The following SIRT6 variants were observed in gnomAD, a reference collection of about 807,000 sequenced individuals.
The protein encoded by SIRT6 is sirtuin 6, also known as NAD-dependent protein deacylase sirtuin-6.
SIRT6 carries 21 observed loss-of-function variants against 33.6 expected under a neutral mutation model. The ratio of observed to expected loss-of-function variants is 0.62; its 90% CI spans 0.44 to 0.90. The LOEUF (loss-of-function observed/expected upper bound fraction) is 0.90. Among genes scored for constraint, SIRT6 ranks in the 40% least tolerant of loss-of-function variants. The pLI is 0.00. For missense variants in SIRT6, 504 were observed against 510.6 expected (o/e 0.99, Z 0.12); for synonymous variants, 221 against 223.9 (o/e 0.99, Z 0.12).
intron 6 of SIRT6, 96 bp downstream of exon 6, chr19:4,175,584 T>G: frequency 2.3e-5 from 29 of 1,254,228 alleles, no homozygotes; most frequent in Non-Finnish European, 2.7e-5. Flanking sequence ...TCACTGCCTG[T>G]GAGCCTCAGC....
chr19:4,179,453 T>G, intron 2 of SIRT6, 167 bp from the exon 3 acceptor site: 3 of 691,490 alleles, frequency 4.3e-6, no homozygotes, highest in South Asian at 2.0e-5. Context: ...AGAGGGTGAG[T>G]TGCAAGAACA....
In SIRT6 at chr19:4,174,932, G is replaced by T. The variant is rs1174368755; in HGVS notation, c.753C>A (p.Asp251Glu). Residue 251 changes from aspartate to glutamate, a missense_variant, in exon 8 of 8, where the codon GAC becomes GAA. Physicochemically the swap from Asp to Glu is conservative, Grantham distance 45. Transcript: ENST00000337491. The surrounding 1 kb of genome is among the most constrained non-coding windows in gnomAD (Gnocchi z 4.2). Reference sequence around the variant, plus strand: ...CGTCAACGTAGCCATGGATGCGGAGGTCAGCATGGCGGTCCTGCCGAGGGG... The same window carrying T: ...CGTCAACGTAGCCATGGATGCGGAGTTCAGCATGGCGGTCCTGCCGAGGGG... The part of the protein sequence containing the change: ...LQPTKHDRHA[D>E]LRIHGYVDEV... 1 of 1,607,910 alleles carries T rather than the reference G, an allele frequency of 6.2e-7. No homozygotes were observed. The highest frequency in any genetic ancestry group is 1.3e-5 in the African/African-American group (1 of 75,032).
In SIRT6 at chr19:4,180,789, C is replaced by T. The variant is rs779174928; in HGVS notation, c.187G>A (p.Asp63Asn). The change falls in exon 2 of 8, where the codon GAC (aspartate) becomes AAC (asparagine). Residue 63 changes from aspartate (D) to asparagine (N), a missense_variant. By Grantham distance (23) the Asp-to-Asn change is conservative (BLOSUM62 1). Coordinates refer to ENST00000337491, the MANE Select transcript of SIRT6 (RefSeq NM_016539.4). Reference sequence around the variant, plus strand: ...CCCTGCACAATCACAGACCTGAAGTCGGGGATGCCAGAGGCAGTGCTGATG... The same window carrying T: ...CCCTGCACAATCACAGACCTGAAGTTGGGGATGCCAGAGGCAGTGCTGATG... ...AGISTASGIP[D>N]FRGPHGVWTM... is the part of the protein sequence containing the mutation. The T allele has an allele frequency of 1.1e-5, 18 of 1,610,374 alleles. No individual in the cohort carries two copies. The highest frequency in any genetic ancestry group is 1.1e-4 in the East Asian group (5 of 44,846).
At chr19:4,176,053 C>T (rs1967285726) in intron 4 of SIRT6, 116 bp from the exon 5 acceptor site, 2 of 811,292 alleles carry the variant, frequency 2.5e-6, no homozygotes, top group East Asian at 2.7e-5. Context: ...GTGACCAGAA[C>T]TAGCACCCAG....
Position 4,174,826 on chromosome 19 carries a change from G to A in SIRT6, c.859C>T (p.Pro287Ser), listed in dbSNP as rs1294129902. ...DGPRVLERAL[P>S]PLPRPPTPKL... The stretch of plus-strand genomic sequence containing the variant: ...GGGGTGGGCGGGCGGGGCAGGGGTG[G>A]CAGCGCCCTCTCCAGCACACGGGGG... Residue 287 changes from proline to serine, a missense_variant, in exon 8 of 8, where the codon CCA (proline) becomes TCA (serine). Coordinates refer to ENST00000337491, the MANE Select transcript of SIRT6 (RefSeq NM_016539.4). This position sits in a 1 kb window ranked among gnomAD's most constrained non-coding sequence, Gnocchi z 4.2. 5.8e-6 allele frequency: 9 copies of A among 1,562,476 alleles called. No individual in the cohort carries two copies. The highest frequency in any genetic ancestry group is 1.4e-5 in the African/African-American group (1 of 73,756).
rs540970217 is a variant in SIRT6 at position 4,175,711 on chromosome 19, G to A, written c.583C>T (p.Arg195Trp). ...ILDWEDSLPD[R>W]DLALADEASR... ...GCCTCATCGGCGAGTGCCAGGTCCC[G>A]GTCGGGCAGGGAGTCCTCCCAGTCT... The change falls in exon 6 of 8, where the codon CGG becomes TGG. Residue 195 changes from arginine to tryptophan, a missense_variant. Arg to Trp is a moderately radical substitution (Grantham distance 101, BLOSUM62 -3). Transcript: ENST00000337491. The A allele has an allele frequency of 1.0e-5, 16 of 1,583,164 alleles. No individual in the cohort carries two copies. The highest frequency in any genetic ancestry group is 1.8e-4 in the Middle Eastern group (1 of 5,654).
chr19:4,174,626 G>T lies in SIRT6; in HGVS notation c.1059C>A (p.Val353=). 7.0e-7 allele frequency: 1 copy of T among 1,436,780 alleles called. No homozygotes were observed. The allele number at this position is 1,436,780 out of a possible 1,614,324, so 89.0% of individuals were successfully genotyped here. ...RPPKRVKAKA[V]PS ...TCCCCAAGCACCCTGGTCAGCTGGG[G>T]ACCGCCTTGGCCTTCACCCTTTTGG... The change falls in exon 8 of 8, where the codon GTC becomes GTA. Residue 353 remains valine, a synonymous_variant. Transcript: ENST00000337491. This position sits in a 1 kb window ranked among gnomAD's most constrained non-coding sequence, Gnocchi z 4.2.
At chr19:4,179,429 T>A in intron 2 of SIRT6, 143 bp from the exon 3 acceptor site, 1 of 865,594 alleles carries the variant, frequency 1.2e-6, no homozygotes, top group Non-Finnish European at 1.7e-6. Flanking sequence ...AGAGAGGGAA[T>A]CAGAAACAGA....
intron 4 of SIRT6, among the ~76,000 whole-genome samples, chr19:4,176,791 G>A (rs1967326765): frequency 1.3e-5 from 2 of 152,094 alleles, no homozygotes; most frequent in South Asian, 4.1e-4. Flanking sequence ...ATTGTTCTAC[G>A]CTGCTCATCT....
chr19:4,174,767 C>G lies in SIRT6; in HGVS notation c.918G>C (p.Arg306=). The G allele has an allele frequency of 7.9e-7, 1 of 1,260,508 alleles. No individual in the cohort carries two copies. The highest frequency in any genetic ancestry group is 1.0e-6 in the Non-Finnish European group (1 of 988,748). 78.1% of individuals were successfully genotyped at this position (1,260,508 alleles called of 1,614,324 possible). Reference sequence around the variant, plus strand: ...GGCCGGCGGGGATAGAGCCGTTGATCCGGGTGGGAGATTCCTCCTTGGGCT... The same window carrying G: ...GGCCGGCGGGGATAGAGCCGTTGATGCGGGTGGGAGATTCCTCCTTGGGCT... ...KLEPKEESPT[R]INGSIPAGPK... is the part of the protein sequence containing the mutation. Residue 306 remains arginine (R), a synonymous_variant, in exon 8 of 8, where the codon CGG becomes CGC. Transcript: ENST00000337491. This position sits in a 1 kb window ranked among gnomAD's most constrained non-coding sequence, Gnocchi z 4.2.
At position 4,174,846 on chromosome 19, in the gene SIRT6, C is replaced by CG; in HGVS notation, c.838dup (p.Arg280ProfsTer148). 1 of 1,594,596 alleles carries CG rather than the reference C, an allele frequency of 6.3e-7. No homozygotes were observed. The highest frequency in any genetic ancestry group is 8.5e-7 in the Non-Finnish European group (1 of 1,177,156). On this transcript the variant is annotated frameshift_variant, in exon 8 of 8. Transcript: ENST00000337491. LOFTEE classifies it low-confidence loss of function (END_TRUNC). This position sits in a 1 kb window ranked among gnomAD's most constrained non-coding sequence, Gnocchi z 4.2. ...GGGTGGCAGCGCCCTCTCCAGCACA[C>CG]GGGGGCCGTCCCAGGCGGGGATCTC...
intron 4 of SIRT6, 76 bp from the exon 5 acceptor site, chr19:4,176,013 C>T (rs1411910925): frequency 5.2e-6 from 7 of 1,350,600 alleles, no homozygotes; most frequent in Admixed American, 2.0e-5. Context: ...TCTAGGGTGA[C>T]GTTCTCCCAG....
In SIRT6 at chr19:4,175,136, G is replaced by A; in HGVS notation, c.630C>T (p.Ser210=). 1 of 1,602,744 alleles carries A rather than the reference G, an allele frequency of 6.2e-7. No individual in the cohort carries two copies. Among genetic ancestry groups the A allele is most frequent in the Non-Finnish European group, 8.5e-7 (1 of 1,176,242 alleles). Residue 210 remains serine, a synonymous_variant, in exon 7 of 8, where the codon TCC becomes TCT. Transcript: ENST00000337491. ...ADEASRNADL[S]ITLGTSLQIR... The stretch of plus-strand genomic sequence containing the variant: ...TCTGCAGCGATGTACCCAGCGTGAT[G>A]GACAGGTCGGCGTTCCTGGGGCCGG...
rs2145155381 is a variant in SIRT6, at chr19:4,174,861, G to T, written c.824C>A (p.Ala275Asp). 6.2e-7 allele frequency: 1 copy of T among 1,600,304 alleles called. No homozygotes were observed. The change falls in exon 8 of 8, where the codon GCC (alanine) becomes GAC (aspartate). Residue 275 changes from alanine (A) to aspartate (D), a missense_variant. By Grantham distance (126) the Ala-to-Asp change is moderately radical. Transcript: ENST00000337491. The surrounding 1 kb of genome is among the most constrained non-coding windows in gnomAD (Gnocchi z 4.2). ...CTCCAGCACACGGGGGCCGTCCCAG[G>T]CGGGGATCTCCAGCCCCAGGTGCTT... ...LMKHLGLEIP[A>D]WDGPRVLERA...
In SIRT6 at chr19:4,179,236, A is replaced by T. The variant is rs1967485484; in HGVS notation, c.245T>A (p.Phe82Tyr). The change falls in exon 3 of 8, where the codon TTC becomes TAC. Residue 82 changes from phenylalanine (F) to tyrosine (Y), a missense_variant. Transcript: ENST00000337491. ...CCGCGCGCTCTCAAAGGTGGTGTCGAACTTGGGGGCCAGACCTCGCTCCTC... is the reference window on the plus strand; with the variant it reads ...CCGCGCGCTCTCAAAGGTGGTGTCGTACTTGGGGGCCAGACCTCGCTCCTC... ...TMEERGLAPK[F>Y]DTTFESARPT... The T allele has an allele frequency of 1.2e-6, 2 of 1,610,192 alleles. No homozygotes were observed. The highest frequency in any genetic ancestry group is 1.7e-5 in the Admixed American group (1 of 59,324).
chr19:4,176,172 G>C (rs1967293330), intron 4 of SIRT6, among the ~76,000 whole-genome samples: 1 of 152,218 alleles, frequency 6.6e-6, no homozygotes, highest in Non-Finnish European at 1.5e-5. Flanking sequence ...AGGGGCTCGA[G>C]AGACAAGACC....
rs1160423792 is a variant in SIRT6, at chr19:4,175,097, C to T, written c.669G>A (p.Gly223=). 1.9e-6 allele frequency: 3 copies of T among 1,579,284 alleles called. No individual in the cohort carries two copies. The highest frequency in any genetic ancestry group is 2.3e-5 in the South Asian group (2 of 87,252). The change falls in exon 7 of 8, where the codon GGG becomes GGA. Residue 223 remains glycine (G), a synonymous_variant. Coordinates refer to ENST00000337491, the MANE Select transcript of SIRT6 (RefSeq NM_016539.4). ...GGCGCTTGGTAGCCAGCGGCAGGTT[C>T]CCGCTGGGCCGGATCTGCAGCGATG... ...LGTSLQIRPS[G]NLPLATKRRG... is the part of the protein sequence containing the mutation.
intron 3 of SIRT6, 64 bp downstream of exon 3, chr19:4,179,039 CT>C (rs1442393255): frequency 3.8e-6 from 6 of 1,572,092 alleles, no homozygotes; most frequent in Admixed American, 1.9e-5. Context: ...GACTCTCCCC[CT>C]AAAAATGCAA....
At position 4,175,152 on chromosome 19, in the gene SIRT6, C is replaced by T; in HGVS notation, c.615-1G>A. 1 of 1,600,168 alleles carries T rather than the reference C, an allele frequency of 6.2e-7. No homozygotes were observed. The highest frequency in any genetic ancestry group is 8.5e-7 in the Non-Finnish European group (1 of 1,175,612). On this transcript the variant is annotated splice_acceptor_variant, in intron 6 of 7. Transcript: ENST00000337491. LOFTEE classifies it high-confidence loss of function. Reference sequence around the variant, plus strand: ...CAGCGTGATGGACAGGTCGGCGTTCCTGGGGCCGGGGAGCGTGGGCTGAGC... The same window carrying T: ...CAGCGTGATGGACAGGTCGGCGTTCTTGGGGCCGGGGAGCGTGGGCTGAGC...
Sources: allele counts gnomAD v4.1 joint callset (sites outside exome capture counted in the v4.1 genomes callset), GRCh38; gene constraint gnomAD v4.1.1; non-coding constraint Gnocchi (gnomAD v3.1); transcripts MANE v1.5; gene names NCBI Gene and HGNC (gene_info 2026-07-23, HGNC 2026-07-21).